AGBL1: variants seen among roughly 807,000 people sequenced by gnomAD.
The protein encoded by AGBL1 is AGBL carboxypeptidase 1.
A neutral mutation model predicts 118.9 loss-of-function variants in AGBL1; 130 were observed. The observed-to-expected ratio is 1.09, with a 90% CI of 0.95 to 1.26. The LOEUF is 1.26. Among genes scored for constraint, AGBL1 ranks in the 50% most tolerant of loss-of-function variants. AGBL1 has a pLI of 0.00. For missense variants in AGBL1, 1,584 were observed against 1,298.1 expected, an observed-to-expected ratio of 1.22 and a Z score of -3.38; for synonymous variants, 555 against 478.9, an observed-to-expected ratio of 1.16 and a Z score of -2.08.
At chr15:86,905,601 C>G (rs1442443257) in intron 22 of AGBL1, among the ~76,000 whole-genome samples, 1 of 152,210 alleles carries the variant, frequency 6.6e-6, no homozygotes, top group Non-Finnish European at 1.5e-5. Flanking sequence ...CTCTGCTAGA[C>G]AATATCCATG....
At position 86,803,272 on chromosome 15, in the gene AGBL1, G is replaced by C. The variant is rs529742320; in HGVS notation, c.3159-103815G>C. The stretch of plus-strand genomic sequence containing the variant: ...ATAGGAGTGAGTTCTCATGAGATCT[G>C]ATGGTTTTACAAGCATCTGGCATTT... On this transcript the variant is annotated intron_variant, in intron 22 of 22. Transcript: ENST00000614907. Among the ~76,000 whole-genome samples the C allele has an allele frequency of 5.3e-5, 8 of 152,236 alleles. No homozygotes were observed. In the South Asian group the frequency reaches 1.5e-3, roughly 28 times the overall value.
chr15:86,932,927 G>A (rs1190617859), intron 23 of AGBL1: 4 of 151,968 alleles, frequency 2.6e-5, no homozygotes, highest in African/African-American at 9.7e-5. Context: ...AAACAGAATT[G>A]TTAGTCAGCT....
chr15:86,371,785 G>T (rs904286894), intron 17 of AGBL1, among the ~76,000 whole-genome samples: 1 of 152,174 alleles, frequency 6.6e-6, no homozygotes, highest in Non-Finnish European at 1.5e-5. Flanking sequence ...TGAGGGGAAA[G>T]GCTAAGGCAA....
intron 1 of AGBL1, 119 bp from the exon 2 acceptor site, chr15:86,141,885 G>T (rs374788721): frequency 1.4e-5 from 14 of 1,020,036 alleles, no homozygotes; most frequent in African/African-American, 1.6e-5. Flanking sequence ...CTGTCCTTTC[G>T]CTGTAGTTAA....
intron 1 of AGBL1, among the ~76,000 whole-genome samples, chr15:86,121,578 T>C (rs1195211438): frequency 6.6e-6 from 1 of 152,216 alleles, no homozygotes; most frequent in Non-Finnish European, 1.5e-5. Context: ...GTTGTAGGGG[T>C]GATTCATGTA....
chr15:86,715,730 T>A (rs2086627777), intron 22 of AGBL1, among the ~76,000 whole-genome samples: 1 of 152,142 alleles, frequency 6.6e-6, no homozygotes, highest in South Asian at 2.1e-4. Flanking sequence ...AAATGTATAA[T>A]TAATGAGTTT....
intron 24 of AGBL1, among the ~76,000 whole-genome samples, chr15:87,020,497 G>GC (rs1439661559): frequency 6.6e-6 from 1 of 151,990 alleles, no homozygotes; most frequent in Non-Finnish European, 1.5e-5. Flanking sequence ...GGATGTTCTG[G>GC]CCAGGGCAAT....
At chr15:86,925,650 C>A (rs2080528143) in intron 23 of AGBL1, among the ~76,000 whole-genome samples, 1 of 151,468 alleles carries the variant, frequency 6.6e-6, no homozygotes, top group African/African-American at 2.4e-5. Flanking sequence ...TGACAGGCTT[C>A]CTCTCATTGA....
At position 86,298,272 on chromosome 15, in the gene AGBL1, T is replaced by TAC. The variant is rs1488881024; in HGVS notation, c.2374+2865_2374+2866insCA. Among the ~76,000 whole-genome samples the TAC allele has an allele frequency of 8.2e-4, 93 of 114,002 alleles. 3 individuals are homozygous for TAC. In the East Asian group the frequency reaches 0.021, roughly 25 times the overall value. The allele number at this position is 114,002 out of a possible 152,430, so 74.8% of individuals were successfully genotyped here. On this transcript the variant is annotated intron_variant, in intron 17 of 22. Coordinates refer to ENST00000614907, the MANE Select transcript of AGBL1 (RefSeq NM_001386094.1). The stretch of plus-strand genomic sequence containing the variant: ...ATATATATATATATATATATATATA[T>TAC]ATATATATGGTAACTATATATATAT...
intron 17 of AGBL1, chr15:86,304,969 T>C (rs2079815164): frequency 6.6e-6 from 1 of 152,212 alleles, no homozygotes; most frequent in African/African-American, 2.4e-5. Flanking sequence ...CATCACAGGC[T>C]GGATGAGGAT....
intron 22 of AGBL1, among the ~76,000 whole-genome samples, chr15:86,877,308 C>G (rs767946703): frequency 6.6e-6 from 1 of 152,058 alleles, no homozygotes; most frequent in African/African-American, 2.4e-5. Flanking sequence ...GGTGCCCAGC[C>G]CTGCCCCATT....
chr15:86,526,557 T>TAC (rs2083266110), intron 19 of AGBL1, among the ~76,000 whole-genome samples: 1 of 138,692 alleles, frequency 7.2e-6, no homozygotes, highest in Non-Finnish European at 1.5e-5. Flanking sequence ...TATATATATA[T>TAC]ATATATATAT....
intron 17 of AGBL1, among the ~76,000 whole-genome samples, chr15:86,387,785 A>T (rs1026195340): frequency 6.6e-6 from 1 of 152,190 alleles, no homozygotes; most frequent in Non-Finnish European, 1.5e-5. Flanking sequence ...GAGTAGGACC[A>T]TCAGAATCTC....
chr15:86,706,200 G>A lies in AGBL1; in HGVS notation c.3158+31764G>A, dbSNP rs571253688. Among the ~76,000 whole-genome samples, 274 of 152,052 alleles carry A rather than the reference G, an allele frequency of 1.8e-3. 1 individual carries two copies. The highest frequency in any genetic ancestry group is 3.4e-3 in the Non-Finnish European group (231 of 67,962). ...TATATTATATATGTCATAGTTTACC[G>A]ATCAAAGATAAAATATCGTTTTTAA... is the stretch of plus-strand genomic sequence containing the variant. On this transcript the variant is annotated intron_variant, in intron 22 of 22. Coordinates refer to ENST00000614907, the MANE Select transcript of AGBL1 (RefSeq NM_001386094.1).
rs367918500 is a variant in AGBL1 at position 86,080,049 on chromosome 15, A to C, written c.51+26A>C. On this transcript the variant is annotated intron_variant, in intron 1 of 22. Transcript: ENST00000614907. ...GTAGGAAAGGGTAGAGTGGGTGCAG[A>C]ACCCGGCGGGCTGGGTGTTTGCCTG... 1.8e-4 allele frequency: 217 copies of C among 1,232,052 alleles called. 1 individual carries two copies. The African/African-American group carries it at 3.2e-3, about 18-fold the overall frequency. The allele number at this position is 1,232,052 out of a possible 1,614,324, so 76.3% of individuals were successfully genotyped here.
At chr15:86,643,775 G>A (rs2085229626) in intron 21 of AGBL1, among the ~76,000 whole-genome samples, 2 of 152,078 alleles carry the variant, frequency 1.3e-5, no homozygotes, top group Admixed American at 6.5e-5. Context: ...TAATGACAAA[G>A]TATTTAAGGA....
intron 23 of AGBL1, among the ~76,000 whole-genome samples, chr15:86,979,238 A>C (rs2081204688): frequency 6.6e-6 from 1 of 152,190 alleles, no homozygotes; most frequent in East Asian, 1.9e-4. Context: ...CTCTTTAAGA[A>C]AAATCCATTA....
At chr15:86,723,982 T>G (rs2086777410) in intron 22 of AGBL1, among the ~76,000 whole-genome samples, 1 of 152,060 alleles carries the variant, frequency 6.6e-6, no homozygotes, top group African/African-American at 2.4e-5. Context: ...AAGCCTGTAA[T>G]CCCAGCACTT....
intron 18 of AGBL1, among the ~76,000 whole-genome samples, chr15:86,459,859 T>C (rs1050044577): frequency 2.6e-5 from 4 of 152,116 alleles, no homozygotes; most frequent in African/African-American, 9.7e-5. Context: ...CAGCTACTCT[T>C]ATGAAGCAAT....
Sources: allele counts gnomAD v4.1 joint callset (sites outside exome capture counted in the v4.1 genomes callset), GRCh38; gene constraint gnomAD v4.1.1; transcripts MANE v1.5; gene names NCBI Gene and HGNC (gene_info 2026-07-23, HGNC 2026-07-21).